The following BAZ1B variants were observed in gnomAD, a reference collection of about 807,000 sequenced individuals.
BAZ1B encodes tyrosine-protein kinase BAZ1B.
BAZ1B carries 22 observed loss-of-function variants against 153.8 expected under a neutral mutation model. That is an observed-to-expected ratio of 0.14 (90% CI 0.10 to 0.20). The LOEUF is 0.20. BAZ1B is among the 10% of genes least tolerant of loss of function. The pLI is 1.00. For missense variants in BAZ1B, 1,325 were observed against 1,799.3 expected (o/e 0.74, Z 4.77); for synonymous variants, 676 against 633.4 (o/e 1.07, Z -1.01).
At chr7:73,493,186 C>T (rs1281606790) in intron 4 of BAZ1B, among the ~76,000 whole-genome samples, 2 of 152,184 alleles carry the variant, frequency 1.3e-5, no homozygotes, top group East Asian at 1.9e-4. Context: ...AGAGGCCGGG[C>T]GTGGTGGCTC....
At chr7:73,442,099 G>A in intron 19 of BAZ1B, 82 bp downstream of exon 19, 2 of 1,028,536 alleles carry the variant, frequency 1.9e-6, no homozygotes, top group South Asian at 1.5e-5. Flanking sequence ...TGGACTCCCT[G>A]TGATCTCTTC....
intron 7 of BAZ1B, among the ~76,000 whole-genome samples, chr7:73,473,992 A>G (rs1788908722): frequency 6.6e-6 from 1 of 152,146 alleles, no homozygotes; most frequent in Non-Finnish European, 1.5e-5. Flanking sequence ...AAAATGTTGA[A>G]AAAGAACAAG....
chr7:73,488,432 T>A (rs1054546432), intron 6 of BAZ1B, among the ~76,000 whole-genome samples: 1 of 152,084 alleles, frequency 6.6e-6, no homozygotes, highest in Non-Finnish European at 1.5e-5. Flanking sequence ...GTGAGGATTT[T>A]AAAAATTACT....
At chr7:73,471,015 G>A (rs1235944007) in intron 7 of BAZ1B, among the ~76,000 whole-genome samples, 4 of 152,144 alleles carry the variant, frequency 2.6e-5, no homozygotes, top group Non-Finnish European at 5.9e-5. Context: ...GATTATAGGC[G>A]TGAGCCACCA....
chr7:73,492,871 C>T lies in BAZ1B; in HGVS notation c.622G>A (p.Gly208Arg), dbSNP rs1262038406. 6.2e-7 allele frequency: 1 copy of T among 1,610,388 alleles called. No individual in the cohort carries two copies. The highest frequency in any genetic ancestry group is 8.5e-7 in the Non-Finnish European group (1 of 1,178,744). ...PRKLPTSLKK[G>R]ERKWAPPKFL... ...TTTGGAGGAGCCCATTTCCTTTCTCCTTTTTTTAATGAAGTAGGAAGTTTT... is the reference window on the plus strand; with the variant it reads ...TTTGGAGGAGCCCATTTCCTTTCTCTTTTTTTTAATGAAGTAGGAAGTTTT... The change falls in exon 5 of 20, where the codon GGA (glycine) becomes AGA (arginine). Residue 208 changes from glycine to arginine, a missense_variant. Physicochemically the swap from Gly to Arg is moderately radical, Grantham distance 125 (BLOSUM62 -2). Transcript: ENST00000339594.
intron 13 of BAZ1B, among the ~76,000 whole-genome samples, chr7:73,454,693 CA>C (rs1788130643): frequency 6.6e-6 from 1 of 152,176 alleles, no homozygotes; most frequent in African/African-American, 2.4e-5. Flanking sequence ...ACACATTCTT[CA>C]AAACCCATCC....
chr7:73,480,201 G>A (rs1361362179), intron 6 of BAZ1B, among the ~76,000 whole-genome samples: 13 of 149,776 alleles, frequency 8.7e-5, no homozygotes, highest in African/African-American at 3.2e-4. Flanking sequence ...TAAATTCATT[G>A]CCAGGCACCT....
intron 16 of BAZ1B, among the ~76,000 whole-genome samples, chr7:73,445,756 A>C (rs898816701): frequency 5.3e-5 from 8 of 152,100 alleles, no homozygotes; most frequent in Non-Finnish European, 1.5e-5. Context: ...GCTGCTCAGG[A>C]GGCTGAGGTA....
rs1290427302 is a variant in BAZ1B, at chr7:73,489,184, G to C, written c.891+10C>G. On this transcript the variant is annotated intron_variant, in intron 6 of 19. Transcript: ENST00000339594. Reference sequence around the variant, plus strand: ...TTATCCTGCTGTCCAAAAATTAACAGTGACCTTACCTTGTATGGATCAAGT... The same window carrying C: ...TTATCCTGCTGTCCAAAAATTAACACTGACCTTACCTTGTATGGATCAAGT... 4 of 1,613,132 alleles carry C rather than the reference G, an allele frequency of 2.5e-6. No individual in the cohort carries two copies. The highest frequency in any genetic ancestry group is 3.3e-5 in the Admixed American group (2 of 59,968).
intron 9 of BAZ1B, among the ~76,000 whole-genome samples, chr7:73,468,899 G>A (rs1554571580): frequency 6.6e-6 from 1 of 152,170 alleles, no homozygotes; most frequent in African/African-American, 2.4e-5. Context: ...GGAGGCCGAG[G>A]TGGGCAGATC....
intron 6 of BAZ1B, among the ~76,000 whole-genome samples, chr7:73,485,623 CA>C (rs1789374685): frequency 1.1e-5 from 1 of 88,380 alleles, no homozygotes; most frequent in African/African-American, 4.7e-5. Context: ...AGGCCTACCT[CA>C]GAAAAAAAAA....
At position 73,521,865 on chromosome 7, in the gene BAZ1B, G is replaced by A. The variant is rs1554580288; in HGVS notation, c.69C>T (p.Phe23=). The change falls in exon 1 of 20, where the codon TTC becomes TTT. Residue 23 remains phenylalanine (F), a synonymous_variant. Transcript: ENST00000339594. ...VKPLPGEEPL[F]TIPHTQEAFR... is the part of the protein sequence containing the mutation. ...AGGCCTCCTGAGTGTGCGGGATGGTGAAGAGCGGCTCCTCTCCGGGCAACG... is the reference window on the plus strand; with the variant it reads ...AGGCCTCCTGAGTGTGCGGGATGGTAAAGAGCGGCTCCTCTCCGGGCAACG... 4 of 1,509,600 alleles carry A rather than the reference G, an allele frequency of 2.6e-6. No homozygotes were observed. The South Asian group carries it at 3.7e-5, about 14-fold the overall frequency. 93.5% of individuals were successfully genotyped at this position (1,509,600 alleles called of 1,614,324 possible). A position where few individuals can be genotyped will look rare whatever the true frequency, so the allele number is the denominator to read the frequency against.
intron 7 of BAZ1B, among the ~76,000 whole-genome samples, chr7:73,474,899 C>G (rs1224951983): frequency 6.6e-6 from 1 of 152,150 alleles, no homozygotes; most frequent in African/African-American, 2.4e-5. Flanking sequence ...AATCAGATAA[C>G]TCAATTTAAT....
At chr7:73,445,641 C>A (rs1270662879) in intron 16 of BAZ1B, among the ~76,000 whole-genome samples, 1 of 152,112 alleles carries the variant, frequency 6.6e-6, no homozygotes, top group Non-Finnish European at 1.5e-5. Flanking sequence ...GAGGCCAAGG[C>A]AGGAGGATCA....
intron 3 of BAZ1B, 115 bp downstream of exon 3, chr7:73,508,212 T>G (rs1790423652): frequency 2.6e-6 from 3 of 1,167,662 alleles, no homozygotes; most frequent in Non-Finnish European, 1.2e-6. Flanking sequence ...ATACTTAACA[T>G]TAAATATAAT....
chr7:73,506,030 C>T lies in BAZ1B; in HGVS notation c.369+2297G>A, dbSNP rs6970465. Among the ~76,000 whole-genome samples the T allele has an allele frequency of 6.6e-4, 101 of 152,272 alleles. 1 individual carries two copies. Among genetic ancestry groups the T allele is most frequent in the African/African-American group, 2.3e-3 (96 of 41,570 alleles). Reference sequence around the variant, plus strand: ...AGATTTCCGTGCAAATTCTGCAAGACATTATGTAAAGCAATTAGCCCAGTG... The same window carrying T: ...AGATTTCCGTGCAAATTCTGCAAGATATTATGTAAAGCAATTAGCCCAGTG... On this transcript the variant is annotated intron_variant, in intron 3 of 19. Coordinates refer to ENST00000339594, the MANE Select transcript of BAZ1B (RefSeq NM_032408.4).
At chr7:73,505,576 C>G (rs1283969397) in intron 3 of BAZ1B, among the ~76,000 whole-genome samples, 1 of 151,856 alleles carries the variant, frequency 6.6e-6, no homozygotes, top group Non-Finnish European at 1.5e-5. Context: ...AAGGAATGGG[C>G]TGAAGAACAG....
chr7:73,450,296 T>C lies in BAZ1B; in HGVS notation c.3580+551A>G, dbSNP rs1554567924. On this transcript the variant is annotated intron_variant, in intron 14 of 19. Coordinates refer to ENST00000339594, the MANE Select transcript of BAZ1B (RefSeq NM_032408.4). The surrounding 1 kb of genome is among the most constrained non-coding windows in gnomAD (Gnocchi z 4.1). ...TCAACTTAATATGGTAATCTCTCCTTCCAACCTTCATTCTAGAGCGATTGA... is the reference window on the plus strand; with the variant it reads ...TCAACTTAATATGGTAATCTCTCCTCCCAACCTTCATTCTAGAGCGATTGA... Among the ~76,000 whole-genome samples, 2 of 152,290 alleles carry C rather than the reference T, an allele frequency of 1.3e-5. No individual in the cohort carries two copies.
chr7:73,507,805 A>G (rs782595346), intron 3 of BAZ1B, among the ~76,000 whole-genome samples: 1 of 152,198 alleles, frequency 6.6e-6, no homozygotes, highest in Non-Finnish European at 1.5e-5. Flanking sequence ...CCAAGGCTAC[A>G]TACAGTGAGC....
Sources: gnomAD v4.1 joint callset for allele counts (sites outside exome capture counted in the v4.1 genomes callset) on GRCh38, gnomAD v4.1.1 for gene constraint, Gnocchi (gnomAD v3.1) non-coding constraint, MANE v1.5 for transcripts, NCBI Gene and HGNC (gene_info 2026-07-23, HGNC 2026-07-21) for gene names.